Variants in MMS22L observed in about 807,000 individuals in gnomAD.
MMS22L encodes MMS22 like, DNA repair protein, also known as protein MMS22-like.
In MMS22L, 74 loss-of-function variants were observed where a neutral mutation model predicts 159.1. The observed-to-expected ratio is 0.47, with a 90% confidence interval of 0.39 to 0.56. The LOEUF (loss-of-function observed/expected upper bound fraction) is 0.56. Among genes scored for constraint, MMS22L ranks in the 20% least tolerant of loss-of-function variants. The probability of loss-of-function intolerance (pLI) is 0.00; values close to 1 mark genes in which losing one functional copy is unlikely to be tolerated. For synonymous variants in MMS22L, 517 were observed against 506.9 expected (o/e 1.02, Z -0.27); for missense variants, 1,351 against 1,422.1 (o/e 0.95, Z 0.80).
intron 18 of MMS22L, 99 bp from the exon 19 acceptor site, chr6:97,173,321 C>T: frequency 9.4e-7 from 1 of 1,064,988 alleles, no homozygotes; most frequent in African/African-American, 1.6e-5. Context: ...CATACGCACC[C>T]ATACCCTTTA....
chr6:97,205,068 G>A (rs375997504), intron 14 of MMS22L, among the ~76,000 whole-genome samples: 254 of 149,640 alleles, frequency 1.7e-3, no homozygotes, highest in Admixed American at 3.6e-3. Context: ...CTTAGCCTCC[G>A]GAGTAGCTGG....
intron 14 of MMS22L, among the ~76,000 whole-genome samples, chr6:97,219,494 T>A (rs184979642): frequency 5.9e-5 from 9 of 152,250 alleles, no homozygotes; most frequent in Admixed American, 5.9e-4. Flanking sequence ...TTGAATTTTT[T>A]ATTTTATATT....
intron 22 of MMS22L, among the ~76,000 whole-genome samples, chr6:97,156,507 A>T (rs1015682037): frequency 1.3e-4 from 20 of 152,184 alleles, no homozygotes; most frequent in African/African-American, 4.1e-4. Flanking sequence ...AGGTGTAAGG[A>T]ATGGATCCAG....
chr6:97,233,228 T>C (rs552802507), intron 12 of MMS22L, among the ~76,000 whole-genome samples: 59 of 152,298 alleles, frequency 3.9e-4, no homozygotes, highest in African/African-American at 1.3e-3. Flanking sequence ...TCCATAGTTA[T>C]CCGAGGCCTA....
At position 97,263,372 on chromosome 6, in the gene MMS22L, T is replaced by C. The variant is rs377452089; in HGVS notation, c.905A>G (p.His302Arg). ...CCATTTACTTCTGTGGTCTAGAAGA[T>C]GAATAAGTAGAACCCATAATTCTTT... ...CIKELWVLLIHLLDHRSKWFV... is the reference protein window; with the variant it reads ...CIKELWVLLIRLLDHRSKWFV... The change falls in exon 9 of 25, where the codon CAT becomes CGT. Residue 302 changes from histidine (H) to arginine (R), a missense_variant. By Grantham distance (29) the His-to-Arg change is conservative. Transcript: ENST00000683635. The C allele has an allele frequency of 5.0e-6, 8 of 1,591,686 alleles. No individual in the cohort carries two copies. Among genetic ancestry groups the C allele is most frequent in the East Asian group, 2.3e-5 (1 of 43,958 alleles).
At chr6:97,225,159 T>A (rs775060549) in intron 14 of MMS22L, among the ~76,000 whole-genome samples, 13 of 152,214 alleles carry the variant, frequency 8.5e-5, no homozygotes, top group Non-Finnish European at 1.6e-4. Context: ...TTCTAGTTAC[T>A]ATTTTTAAAG....
rs182904814 is a variant in MMS22L, at chr6:97,270,316, A to T, written c.607-324T>A. 4.2e-4 allele frequency: 198 copies of T among 473,830 alleles called. 2 individuals are homozygous for T. The East Asian group carries it at 6.9e-3, about 17-fold the overall frequency. 29.4% of individuals were successfully genotyped at this position (473,830 alleles called of 1,614,324 possible). Reference sequence around the variant, plus strand: ...GCAGTAAAAGAATTTTTTAACACGTATTTTCATAATTTTGTTTTAGAATTT... The same window carrying T: ...GCAGTAAAAGAATTTTTTAACACGTTTTTTCATAATTTTGTTTTAGAATTT... On this transcript the variant is annotated intron_variant, in intron 6 of 24. Transcript: ENST00000683635.
chr6:97,162,018 T>G lies in MMS22L; in HGVS notation c.3369A>C (p.Leu1123Phe), dbSNP rs778375842. 5.0e-6 allele frequency: 8 copies of G among 1,610,328 alleles called. No individual in the cohort carries two copies. The East Asian group carries it at 8.9e-5, about 18-fold the overall frequency. Residue 1123 changes from leucine (L) to phenylalanine (F), a missense_variant, in exon 22 of 25, where the codon TTA becomes TTC. Transcript: ENST00000683635. ...CAAACAAACCTTGTGGTTCACTGAC[T>G]AACACCAAGCATTTTAAAATGCCAG... ...LLPGILKCLV[L>F]VSEPQVKRLA...
At chr6:97,279,358 C>A (rs1816539334) in intron 3 of MMS22L, among the ~76,000 whole-genome samples, 1 of 152,142 alleles carries the variant, frequency 6.6e-6, no homozygotes, top group South Asian at 2.1e-4. Context: ...GTGGCGGACG[C>A]CTGTAGTCCC....
Position 97,142,556 on chromosome 6 carries a change from T to G in MMS22L, c.*4250A>C, listed in dbSNP as rs1389083866. The stretch of plus-strand genomic sequence containing the variant: ...GATCAGTTTTTTGGAAAATAAAAGA[T>G]TTATATAAAAAGTCTGGATAAAAAA... On this transcript the variant is annotated 3_prime_UTR_variant, in exon 25 of 25. Transcript: ENST00000683635. 1.3e-5 allele frequency: 2 copies of G among 152,160 alleles called. No homozygotes were observed. The highest frequency in any genetic ancestry group is 1.3e-4 in the Admixed American group (2 of 15,278). 9.4% of individuals were successfully genotyped at this position (152,160 alleles called of 1,614,324 possible).
At chr6:97,273,096 C>A in intron 4 of MMS22L, 34 bp from the exon 5 acceptor site, 1 of 1,538,734 alleles carries the variant, frequency 6.5e-7, no homozygotes, top group South Asian at 1.2e-5. Context: ...AATCATAGTT[C>A]AAATAATTAT....
In MMS22L at chr6:97,149,992, A is replaced by G. The variant is rs1272951354; in HGVS notation, c.3511T>C (p.Tyr1171His). The change falls in exon 24 of 25, where the codon TAC (tyrosine) becomes CAC (histidine). Residue 1171 changes from tyrosine (Y) to histidine (H), a missense_variant. By Grantham distance (83) the Tyr-to-His change is moderately conservative. Transcript: ENST00000683635. ...RQFIQDYGMR[Y>H]YYQVYSILET... ...AAAATGCTGTAAACCTGGTAATAGT[A>G]CCTCATACCATAATCCTGGATAAAC... The G allele has an allele frequency of 2.5e-6, 4 of 1,613,538 alleles. No homozygotes were observed. In the Admixed American group the frequency reaches 5.0e-5, roughly 20 times the overall value.
At chr6:97,199,797 CA>C (rs1331809216) in intron 14 of MMS22L, among the ~76,000 whole-genome samples, 3 of 151,972 alleles carry the variant, frequency 2.0e-5, no homozygotes, top group East Asian at 3.9e-4. Flanking sequence ...AAAGTATAAC[CA>C]AACCCTAATG....
intron 16 of MMS22L, among the ~76,000 whole-genome samples, chr6:97,180,294 C>A (rs764214174): frequency 7.2e-5 from 11 of 151,748 alleles, no homozygotes; most frequent in Non-Finnish European, 1.3e-4. Flanking sequence ...GTAGAGACAG[C>A]GTTTCACCGT....
chr6:97,224,527 C>T (rs1484200993), intron 14 of MMS22L, among the ~76,000 whole-genome samples: 1 of 150,778 alleles, frequency 6.6e-6, no homozygotes, highest in African/African-American at 2.4e-5. Flanking sequence ...CTTGTCTCCA[C>T]ACCTCTCAAA....
chr6:97,252,111 G>T (rs1813303207), intron 10 of MMS22L, among the ~76,000 whole-genome samples: 1 of 151,326 alleles, frequency 6.6e-6, no homozygotes, highest in Admixed American at 6.6e-5. Context: ...ATAGAAGAGT[G>T]ACTTCAGCAC....
intron 14 of MMS22L, among the ~76,000 whole-genome samples, chr6:97,203,790 A>G (rs1807448996): frequency 6.6e-6 from 1 of 152,152 alleles, no homozygotes; most frequent in Non-Finnish European, 1.5e-5. Flanking sequence ...TTTTCTTTGG[A>G]GAAATATAAT....
chr6:97,263,444 C>T lies in MMS22L; in HGVS notation c.833G>A (p.Arg278Lys). 4 of 1,528,724 alleles carry T rather than the reference C, an allele frequency of 2.6e-6. No individual in the cohort carries two copies. The highest frequency in any genetic ancestry group is 3.5e-6 in the Non-Finnish European group (4 of 1,142,178). 94.7% of individuals were successfully genotyped at this position (1,528,724 alleles called of 1,614,324 possible). The change falls in exon 9 of 25, where the codon AGG becomes AAG. Residue 278 changes from arginine (R) to lysine (K), a missense_variant. By Grantham distance (26) the Arg-to-Lys change is conservative. Coordinates refer to ENST00000683635, the MANE Select transcript of MMS22L (RefSeq NM_001350599.2). The part of the protein sequence containing the change: ...SLSLNRYDKV[R>K]SSESLMSDQC... ...GTCACTCATTAATGATTCAGAAGAC[C>T]TAACCTATAGAAAATAACCAAAATG...
At chr6:97,255,386 T>C (rs1172820423) in intron 9 of MMS22L, among the ~76,000 whole-genome samples, 1 of 152,134 alleles carries the variant, frequency 6.6e-6, no homozygotes, top group Non-Finnish European at 1.5e-5. Context: ...TGAGTATTTT[T>C]GTAACCATCT....
Sources: allele counts gnomAD v4.1 joint callset (sites outside exome capture counted in the v4.1 genomes callset), GRCh38; gene constraint gnomAD v4.1.1; transcripts MANE v1.5; gene names NCBI Gene and HGNC (gene_info 2026-07-23, HGNC 2026-07-21).